FBN2: variants seen among roughly 807,000 people sequenced by gnomAD.
FBN2 encodes the protein fibrillin-2.
FBN2 carries 105 observed loss-of-function variants against 355.6 expected under a neutral mutation model. The ratio of observed to expected loss-of-function variants is 0.30; its 90% CI spans 0.25 to 0.35. FBN2 has a LOEUF of 0.35. FBN2 is among the 10% of genes least tolerant of loss of function. The pLI is 1.00. For missense variants in FBN2, 3,280 were observed against 3,758.7 expected (o/e 0.87, Z 3.33); for synonymous variants, 1,350 against 1,301.2 (o/e 1.04, Z -0.81).
chr5:128,304,397 C>T (rs952187610), intron 45 of FBN2, among the ~76,000 whole-genome samples: 2 of 152,172 alleles, frequency 1.3e-5, no homozygotes, highest in African/African-American at 4.8e-5. Context: ...CTTGGCTACC[C>T]ATTACATTAG....
At chr5:128,327,558 C>T (rs1750585788) in intron 34 of FBN2, among the ~76,000 whole-genome samples, 2 of 138,876 alleles carry the variant, frequency 1.4e-5, no homozygotes, top group African/African-American at 2.6e-5. Flanking sequence ...ATCATTTTTG[C>T]TCAGCAGTTA....
Position 128,259,714 on chromosome 5 carries a change from G to T in FBN2, c.8480C>A (p.Pro2827His), listed in dbSNP as rs965709151. The T allele has an allele frequency of 6.2e-7, 1 of 1,613,764 alleles. No homozygotes were observed. Among genetic ancestry groups the T allele is most frequent in the African/African-American group, 1.3e-5 (1 of 74,852 alleles). ...HILELRPAIQ[P>H]LNNHIRYVIS... ...GACATAACGGATGTGGTTGTTGAGG[G>T]GCTGGATGGCGGGCCTTAGTTCCAG... Residue 2827 changes from proline to histidine, a missense_variant, in exon 65 of 65, where the codon CCC (proline) becomes CAC (histidine). Pro to His is a moderately conservative substitution (Grantham distance 77). Transcript: ENST00000262464.
intron 17 of FBN2, among the ~76,000 whole-genome samples, chr5:128,365,808 T>C (rs575923029): frequency 4.0e-5 from 6 of 151,666 alleles, no homozygotes; most frequent in African/African-American, 1.2e-4. Context: ...CAAACACATA[T>C]GTACTTAAAT....
intron 63 of FBN2, among the ~76,000 whole-genome samples, chr5:128,262,952 C>A (rs911399859): frequency 2.6e-5 from 4 of 152,186 alleles, no homozygotes; most frequent in African/African-American, 9.7e-5. Context: ...TAGGCACCAT[C>A]CTCTCTCTGT....
chr5:128,393,157 C>G lies in FBN2; in HGVS notation c.1443G>C (p.Gln481His), dbSNP rs923812426. The change falls in exon 10 of 65, where the codon CAG becomes CAC. Residue 481 changes from glutamine (Q) to histidine (H), a missense_variant. By Grantham distance (24) the Gln-to-His change is conservative (BLOSUM62 0). This residue lies in a region of FBN2 where 343 missense variants were observed against 331.0 expected (regional missense o/e 1.04). Coordinates refer to ENST00000262464, the MANE Select transcript of FBN2 (RefSeq NM_001999.4). ...VGGAGVGAGG[Q>H]GPIITGLTIL... ...TACTTAGTCCAGTGATGATAGGTCC[C>G]TGTCCCCCGGCCCCCACACCGGCTC... 1.2e-6 allele frequency: 2 copies of G among 1,614,052 alleles called. No homozygotes were observed. Among genetic ancestry groups the G allele is most frequent in the Non-Finnish European group, 1.7e-6 (2 of 1,179,902 alleles).
chr5:128,292,566 T>C (rs933802328), intron 48 of FBN2, among the ~76,000 whole-genome samples: 3 of 151,920 alleles, frequency 2.0e-5, no homozygotes, highest in Non-Finnish European at 4.4e-5. Flanking sequence ...ATCCCTTCTA[T>C]AAAACAACAA....
intron 18 of FBN2, among the ~76,000 whole-genome samples, chr5:128,364,380 G>A (rs1475073575): frequency 6.6e-6 from 1 of 151,920 alleles, no homozygotes; most frequent in Non-Finnish European, 1.5e-5. Context: ...TGTTAATTCC[G>A]GAAAATAATA....
At chr5:128,307,672 C>CTT (rs1175257857) in intron 41 of FBN2, among the ~76,000 whole-genome samples, 3 of 141,234 alleles carry the variant, frequency 2.1e-5, no homozygotes, top group African/African-American at 7.7e-5. Flanking sequence ...CGAATTTTGT[C>CTT]TTTTTTTTTT....
intron 55 of FBN2, among the ~76,000 whole-genome samples, chr5:128,284,467 C>A (rs1749080079): frequency 6.6e-6 from 1 of 152,328 alleles, no homozygotes; most frequent in Middle Eastern, 3.4e-3. Flanking sequence ...ATGCCACTCT[C>A]CTGCACAAGC....
chr5:128,493,959 A>T (rs928071679), intron 5 of FBN2, among the ~76,000 whole-genome samples: 1 of 152,150 alleles, frequency 6.6e-6, no homozygotes, highest in Admixed American at 6.5e-5. Context: ...AAACCAGGGG[A>T]TGACAGCAGG....
chr5:128,357,434 T>C (rs1418980497), intron 19 of FBN2, 39 bp from the exon 20 acceptor site: 19 of 1,612,748 alleles, frequency 1.2e-5, no homozygotes, highest in South Asian at 4.4e-5. Context: ...AGAACTGCCA[T>C]GTGTTTCTGG....
chr5:128,481,076 T>C (rs1755172123), intron 5 of FBN2, among the ~76,000 whole-genome samples: 1 of 152,176 alleles, frequency 6.6e-6, no homozygotes, highest in African/African-American at 2.4e-5. Flanking sequence ...AAAGATCTGT[T>C]TGGAATCAAA....
intron 62 of FBN2, among the ~76,000 whole-genome samples, chr5:128,271,006 G>A (rs768284155): frequency 1.7e-4 from 26 of 151,968 alleles, no homozygotes; most frequent in Admixed American, 8.5e-4. Flanking sequence ...GTGTATATTC[G>A]TGGTGTGGTA....
rs547688490 is a variant in FBN2, at chr5:128,432,758, T to A, written c.952+13723A>T. Among the ~76,000 whole-genome samples the A allele has an allele frequency of 8.8e-4, 134 of 152,182 alleles. 1 individual carries two copies. The highest frequency in any genetic ancestry group is 2.8e-3 in the African/African-American group (115 of 41,530). ...AACTAGTATTTTATTTTGACCTGCA[T>A]TTAGGGTGTTGTATTAGTCTGTTTT... On this transcript the variant is annotated intron_variant, in intron 7 of 64. Transcript: ENST00000262464.
chr5:128,336,770 C>A (rs180671255), intron 27 of FBN2, among the ~76,000 whole-genome samples: 171 of 152,168 alleles, frequency 1.1e-3, no homozygotes, highest in Non-Finnish European at 2.0e-3. Context: ...TAAACTAGTA[C>A]CAATAATGTA....
intron 5 of FBN2, among the ~76,000 whole-genome samples, chr5:128,492,829 A>AG (rs1755548770): frequency 4.2e-5 from 6 of 144,022 alleles, no homozygotes; most frequent in Non-Finnish European, 9.0e-5. Context: ...AAAAAAAAAA[A>AG]GGGAAGAAAG....
intron 4 of FBN2, among the ~76,000 whole-genome samples, chr5:128,524,926 A>C (rs1453962995): frequency 6.6e-6 from 1 of 152,158 alleles, no homozygotes; most frequent in Non-Finnish European, 1.5e-5. Flanking sequence ...CTCTGACTGG[A>C]AAATGTGGTA....
intron 34 of FBN2, among the ~76,000 whole-genome samples, chr5:128,319,398 TAATA>T (rs1226094952): frequency 6.6e-6 from 1 of 151,206 alleles, no homozygotes; most frequent in Admixed American, 6.6e-5. Context: ...ATTTTATAGT[TAATA>T]AATGTTTTAT....
intron 6 of FBN2, among the ~76,000 whole-genome samples, chr5:128,447,405 T>C (rs1241709673): frequency 6.6e-6 from 1 of 151,936 alleles, no homozygotes; most frequent in Non-Finnish European, 1.5e-5. Flanking sequence ...TCTGGGACTG[T>C]CTCTCTTTTA....
Sources: gnomAD v4.1 joint callset for allele counts (sites outside exome capture counted in the v4.1 genomes callset) on GRCh38, gnomAD v4.1.1 for gene constraint, gnomAD v4.1.1 regional missense constraint, MANE v1.5 for transcripts, NCBI Gene and HGNC (gene_info 2026-07-23, HGNC 2026-07-21) for gene names.